Variants in ACACB observed in about 807,000 individuals in gnomAD.
ACACB encodes acetyl-CoA carboxylase beta.
In ACACB, 209 loss-of-function variants were observed where a neutral mutation model predicts 278.8. That is an observed-to-expected ratio of 0.75 (90% confidence interval 0.67 to 0.84). The LOEUF is 0.84. Among genes scored for constraint, ACACB ranks in the 40% least tolerant of loss-of-function variants. The pLI, the probability that ACACB is intolerant of heterozygous loss-of-function variation, is 0.00. For synonymous variants in ACACB, 1,174 were observed against 1,285.6 expected, an observed-to-expected ratio of 0.91 and a Z score of 1.86; for missense variants, 2,850 against 3,269.0, an observed-to-expected ratio of 0.87 and a Z score of 3.13.
chr12:109,140,506 A>C (rs957084412), intron 2 of ACACB, among the ~76,000 whole-genome samples: 5 of 152,070 alleles, frequency 3.3e-5, no homozygotes, highest in Non-Finnish European at 7.4e-5. Flanking sequence ...AAAATACAAA[A>C]ATTCACCAGG....
chr12:109,245,926 A>G (rs759751123), intron 38 of ACACB, among the ~76,000 whole-genome samples, 178 bp downstream of exon 38: 9 of 152,126 alleles, frequency 5.9e-5, no homozygotes, highest in Non-Finnish European at 1.3e-4. Context: ...CTGTCTCTAC[A>G]TAAAATTTTA....
At chr12:109,146,133 A>C (rs1354531659) in intron 2 of ACACB, among the ~76,000 whole-genome samples, 1 of 152,236 alleles carries the variant, frequency 6.6e-6, no homozygotes, top group African/African-American at 2.4e-5. Flanking sequence ...GGTTTAAGCT[A>C]GTCCTTCCAG....
chr12:109,143,737 T>G (rs947583571), intron 2 of ACACB, among the ~76,000 whole-genome samples: 2 of 152,178 alleles, frequency 1.3e-5, no homozygotes, highest in Non-Finnish European at 2.9e-5. Context: ...TTGTTTCTAA[T>G]GAACTGTAGT....
At chr12:109,176,909 G>C (rs11065745) in intron 9 of ACACB, among the ~76,000 whole-genome samples, 1 of 152,126 alleles carries the variant, frequency 6.6e-6, no homozygotes, top group African/African-American at 2.4e-5. Context: ...GATCCGCTGC[G>C]CCCTGCCTGA....
At chr12:109,258,035 C>T (rs1011761839) in intron 45 of ACACB, among the ~76,000 whole-genome samples, 4 of 152,224 alleles carry the variant, frequency 2.6e-5, no homozygotes, top group Non-Finnish European at 5.9e-5. Context: ...TGCTCCAGGC[C>T]CTATACCATC....
Position 109,178,190 on chromosome 12 carries a change from C to T in ACACB, c.1438-898C>T, listed in dbSNP as rs552504187. The stretch of plus-strand genomic sequence containing the variant: ...CATACAGTTGTTTCATTATTTTTTG[C>T]ATGACTTCATCCTATACATTATTGC... On this transcript the variant is annotated intron_variant, in intron 9 of 52. Transcript: ENST00000338432. Among the ~76,000 whole-genome samples the T allele has an allele frequency of 2.6e-5, 4 of 152,302 alleles. No homozygotes were observed. In the East Asian group the frequency reaches 5.8e-4, roughly 22 times the overall value.
intron 37 of ACACB, 131 bp downstream of exon 37, chr12:109,242,723 C>T: frequency 1.8e-6 from 2 of 1,134,170 alleles, no homozygotes; most frequent in South Asian, 3.2e-5. Flanking sequence ...TGCGGTGGCT[C>T]ACGCCTATAA....
At chr12:109,116,863 AGAGCTC>A (rs1277771011) in intron 1 of ACACB, among the ~76,000 whole-genome samples, 159 bp downstream of exon 1, 4 of 152,154 alleles carry the variant, frequency 2.6e-5, no homozygotes, top group Non-Finnish European at 5.9e-5. Flanking sequence ...GCTAATCAGA[AGAGCTC>A]GAAATGTAAC....
In ACACB at chr12:109,221,899, G is replaced by GGGC. The variant is rs1555225765; in HGVS notation, c.3565-606_3565-605insCGG. Among the ~76,000 whole-genome samples the GGGC allele has an allele frequency of 6.7e-5, 10 of 149,718 alleles. 1 individual carries two copies. The highest frequency in any genetic ancestry group is 2.5e-4 in the African/African-American group (10 of 40,090). ...CTGACCTTTTTTTTTTTTTTTGGGG[G>GGGC]GGAGACAGAGTCTGGCTCTGTTGCC... On this transcript the variant is annotated intron_variant, in intron 24 of 52. Coordinates refer to ENST00000338432, the MANE Select transcript of ACACB (RefSeq NM_001093.4).
At chr12:109,235,218 T>C in intron 31 of ACACB, 95 bp from the exon 32 acceptor site, 1 of 1,023,700 alleles carries the variant, frequency 9.8e-7, no homozygotes, top group Non-Finnish European at 1.5e-6. Flanking sequence ...CTTAGCATAA[T>C]GTTTACAGGT....
chr12:109,156,637 A>G, intron 2 of ACACB, among the ~76,000 whole-genome samples: 1 of 148,014 alleles, frequency 6.8e-6, no homozygotes, highest in Admixed American at 6.9e-5. Flanking sequence ...CACAGTGAGG[A>G]ATACCCCTGT....
At chr12:109,123,835 C>T (rs548702509) in intron 1 of ACACB, among the ~76,000 whole-genome samples, 3 of 151,646 alleles carry the variant, frequency 2.0e-5, no homozygotes, top group South Asian at 2.1e-4. Flanking sequence ...CACACCACCA[C>T]GCCTGGCTAA....
At chr12:109,169,633 T>C (rs1354381768) in intron 4 of ACACB, among the ~76,000 whole-genome samples, 2 of 152,196 alleles carry the variant, frequency 1.3e-5, no homozygotes, top group Admixed American at 6.5e-5. Flanking sequence ...TTGAAGGTGC[T>C]TCTCCCAGAG....
intron 41 of ACACB, among the ~76,000 whole-genome samples, chr12:109,251,352 A>C (rs983892767): frequency 6.6e-6 from 1 of 152,198 alleles, no homozygotes; most frequent in Non-Finnish European, 1.5e-5. Flanking sequence ...TACCTACTCT[A>C]ACAGCAGCAG....
At chr12:109,140,170 A>T in intron 2 of ACACB, 112 bp downstream of exon 2, 1 of 1,188,308 alleles carries the variant, frequency 8.4e-7, no homozygotes, top group Non-Finnish European at 1.1e-6. Flanking sequence ...CAAAGCTTCA[A>T]GGGTGGCTAT....
intron 28 of ACACB, among the ~76,000 whole-genome samples, chr12:109,231,083 T>C (rs960595163): frequency 5.3e-5 from 8 of 152,052 alleles, no homozygotes; most frequent in African/African-American, 1.9e-4. Context: ...TCAACACTTG[T>C]GTGTGTAGAG....
intron 2 of ACACB, among the ~76,000 whole-genome samples, chr12:109,161,971 T>C (rs1343513730): frequency 6.6e-6 from 1 of 151,272 alleles, no homozygotes; most frequent in Admixed American, 6.6e-5. Context: ...TGTAAATAAA[T>C]GAAGTTCTCT....
chr12:109,201,102 G>A lies in ACACB; in HGVS notation c.2779-465G>A, dbSNP rs547531725. On this transcript the variant is annotated intron_variant, in intron 18 of 52. Transcript: ENST00000338432. Reference sequence around the variant, plus strand: ...ATGCCACGCACGTATCCAGACATTCGGGAAAATTAAAAGGGCTGATGAGCA... The same window carrying A: ...ATGCCACGCACGTATCCAGACATTCAGGAAAATTAAAAGGGCTGATGAGCA... Among the ~76,000 whole-genome samples the A allele has an allele frequency of 7.9e-5, 12 of 152,296 alleles. No homozygotes were observed. The South Asian group carries it at 1.7e-3, about 21-fold the overall frequency.
intron 26 of ACACB, 88 bp from the exon 27 acceptor site, chr12:109,223,727 A>T (rs1327286225): frequency 4.1e-6 from 5 of 1,224,454 alleles, no homozygotes; most frequent in Non-Finnish European, 6.0e-6. Flanking sequence ...ACACCACTGC[A>T]CTCCAGTTTA....
Sources: allele counts gnomAD v4.1 joint callset (sites outside exome capture counted in the v4.1 genomes callset), GRCh38; gene constraint gnomAD v4.1.1; transcripts MANE v1.5; gene names NCBI Gene and HGNC (gene_info 2026-07-23, HGNC 2026-07-21).